Variants in EYS observed in about 807,000 individuals in gnomAD.
EYS encodes the protein EGF-like photoreceptor maintenance factor.
EYS carries 250 observed loss-of-function variants against 282.1 expected under a neutral mutation model. The observed-to-expected ratio is 0.89, with a 90% CI of 0.80 to 0.98. The LOEUF (loss-of-function observed/expected upper bound fraction) is 0.98, where lower values mean the gene tolerates loss of function less well. EYS is among the 50% of genes least tolerant of loss of function. EYS has a pLI of 0.00. For synonymous variants in EYS, 1,355 were observed against 1,282.9 expected, an observed-to-expected ratio of 1.06 and a Z score of -1.20; for missense variants, 4,016 against 3,709.0, an observed-to-expected ratio of 1.08 and a Z score of -2.15.
chr6:64,274,486 T>TTTTTTTTTTTTTTG (rs1768046029), intron 30 of EYS, among the ~76,000 whole-genome samples: 2 of 145,952 alleles, frequency 1.4e-5, no homozygotes, highest in African/African-American at 5.4e-5. Context: ...TGGCCGTTTT[T>TTTTTTTTTTTTTTG]TTTTTTTTTT....
At chr6:64,837,843 A>C (rs1765435242) in intron 19 of EYS, among the ~76,000 whole-genome samples, 1 of 151,316 alleles carries the variant, frequency 6.6e-6, no homozygotes, top group African/African-American at 2.4e-5. Context: ...GACATTGAAG[A>C]CTAGGAAGGG....
chr6:64,345,381 C>G (rs1398078193), intron 29 of EYS, among the ~76,000 whole-genome samples: 1 of 152,060 alleles, frequency 6.6e-6, no homozygotes, highest in African/African-American at 2.4e-5. Context: ...GAACAGAGCC[C>G]TCAGAAATAA....
At chr6:65,498,812 T>C (rs901227768) in intron 2 of EYS, among the ~76,000 whole-genome samples, 2 of 151,998 alleles carry the variant, frequency 1.3e-5, no homozygotes, top group Non-Finnish European at 2.9e-5. Flanking sequence ...AGGTATGATG[T>C]TATGTGTCTC....
At chr6:64,362,567 A>T (rs1772053311) in intron 29 of EYS, among the ~76,000 whole-genome samples, 2 of 151,828 alleles carry the variant, frequency 1.3e-5, no homozygotes, top group Admixed American at 1.3e-4. Context: ...TTGTGATATT[A>T]TCTCAAGATA....
chr6:63,727,737 A>AAAAAAAATATATATATATAT (rs1554164607), intron 41 of EYS, among the ~76,000 whole-genome samples: 1 of 36,734 alleles, frequency 2.7e-5, no homozygotes. Context: ...AAAAAAAAAA[A>AAAAAAAATATATATATATAT]ATATATATAT....
chr6:65,443,014 CTG>C (rs1329701223), intron 5 of EYS, among the ~76,000 whole-genome samples: 1 of 104,834 alleles, frequency 9.5e-6, no homozygotes, highest in South Asian at 2.9e-4. Context: ...GTACACATAT[CTG>C]TAAATATACA....
intron 2 of EYS, among the ~76,000 whole-genome samples, chr6:65,510,165 T>TC (rs1265386857): frequency 3.9e-5 from 3 of 76,654 alleles, no homozygotes; most frequent in Non-Finnish European, 4.9e-5. Flanking sequence ...ATGCTATCCC[T>TC]CCCCCCTCCC....
At chr6:64,228,381 GATA>G (rs1223797965) in intron 31 of EYS, among the ~76,000 whole-genome samples, 34 of 151,914 alleles carry the variant, frequency 2.2e-4, no homozygotes, top group African/African-American at 8.0e-4. Flanking sequence ...AAAAATTACG[GATA>G]ATATTATGAT....
chr6:65,088,133 C>T (rs1031637166), intron 12 of EYS, among the ~76,000 whole-genome samples: 1 of 152,068 alleles, frequency 6.6e-6, no homozygotes, highest in Non-Finnish European at 1.5e-5. Context: ...AACTTCTTTC[C>T]TTTGTAAATT....
intron 5 of EYS, among the ~76,000 whole-genome samples, chr6:65,411,620 T>G (rs1358610613): frequency 6.6e-6 from 1 of 152,038 alleles, no homozygotes; most frequent in Non-Finnish European, 1.5e-5. Context: ...CGTTATAATC[T>G]TACCCACTTC....
chr6:65,425,767 A>G (rs1767636488), intron 5 of EYS, among the ~76,000 whole-genome samples: 1 of 152,074 alleles, frequency 6.6e-6, no homozygotes, highest in Non-Finnish European at 1.5e-5. Flanking sequence ...AAGCATTTTC[A>G]TCTTTGCCAA....
chr6:65,203,076 A>G (rs536989370), intron 12 of EYS, among the ~76,000 whole-genome samples: 5 of 152,262 alleles, frequency 3.3e-5, no homozygotes, highest in African/African-American at 1.2e-4. Context: ...GGCACTGCCC[A>G]TCACCAGAAA....
intron 16 of EYS, among the ~76,000 whole-genome samples, chr6:64,908,023 T>C (rs1767883653): frequency 6.6e-6 from 1 of 152,150 alleles, no homozygotes; most frequent in South Asian, 2.1e-4. Flanking sequence ...ATGCGAAACA[T>C]AACTAAAAGT....
At chr6:64,687,807 C>A (rs1562134771) in intron 22 of EYS, among the ~76,000 whole-genome samples, 1 of 152,158 alleles carries the variant, frequency 6.6e-6, no homozygotes, top group Admixed American at 6.5e-5. Flanking sequence ...ACCATCTCCT[C>A]TTTGTACCTC....
At chr6:64,907,044 A>T (rs1366154163) in intron 16 of EYS, among the ~76,000 whole-genome samples, 2 of 151,854 alleles carry the variant, frequency 1.3e-5, no homozygotes, top group Non-Finnish European at 2.9e-5. Context: ...GTTTTGTGGT[A>T]TTTATTATTA....
At chr6:64,125,681 G>C (rs920921514) in intron 31 of EYS, among the ~76,000 whole-genome samples, 10 of 151,310 alleles carry the variant, frequency 6.6e-5, no homozygotes, top group African/African-American at 2.4e-4. Flanking sequence ...AGCTACTCAG[G>C]AGAGTGAGGC....
At chr6:64,852,538 A>G (rs1272282551) in intron 19 of EYS, among the ~76,000 whole-genome samples, 1 of 152,094 alleles carries the variant, frequency 6.6e-6, no homozygotes, top group African/African-American at 2.4e-5. Flanking sequence ...TCCCCTTTAC[A>G]TATATATGAC....
intron 30 of EYS, among the ~76,000 whole-genome samples, chr6:64,303,268 G>C (rs1769298917): frequency 6.6e-6 from 1 of 152,204 alleles, no homozygotes; most frequent in Non-Finnish European, 1.5e-5. Flanking sequence ...TGGAACTAAA[G>C]TGCCAAGTAA....
intron 23 of EYS, among the ~76,000 whole-genome samples, chr6:64,624,325 T>G (rs1281675534): frequency 6.6e-6 from 1 of 152,180 alleles, no homozygotes; most frequent in African/African-American, 2.4e-5. Flanking sequence ...ATGAATCTAG[T>G]AGTTACAAGA....
Sources: allele counts gnomAD v4.1 joint callset (sites outside exome capture counted in the v4.1 genomes callset), GRCh38; gene constraint gnomAD v4.1.1; transcripts MANE v1.5; gene names NCBI Gene and HGNC (gene_info 2026-07-23, HGNC 2026-07-21).